ALDH1A1: variants seen among roughly 807,000 people sequenced by gnomAD.
The protein encoded by ALDH1A1 is aldehyde dehydrogenase 1A1.
A neutral mutation model predicts 62.1 loss-of-function variants in ALDH1A1; 19 were observed. The ratio of observed to expected loss-of-function variants is 0.31; its 90% CI spans 0.21 to 0.45. The LOEUF (loss-of-function observed/expected upper bound fraction) is 0.45. ALDH1A1 is among the 20% of genes least tolerant of loss of function. The pLI, the probability that ALDH1A1 is intolerant of heterozygous loss-of-function variation, is 1.00. For missense variants in ALDH1A1, 521 were observed against 607.1 expected, an observed-to-expected ratio of 0.86 and a Z score of 1.49; for synonymous variants, 231 against 215.9, an observed-to-expected ratio of 1.07 and a Z score of -0.61.
At position 72,908,571 on chromosome 9, in the gene ALDH1A1, GAAAGAAAGAAAGAAAGAAAGA is replaced by G. The variant is rs1442418254; in HGVS notation, c.1358+1010_1358+1030del. 3.0e-3 allele frequency among the ~76,000 whole-genome samples: 272 copies of G among 91,444 alleles called. 8 individuals are homozygous for G. The highest frequency in any genetic ancestry group is 0.021 in the Middle Eastern group (4 of 194). The allele number at this position is 91,444 out of a possible 152,430, so 60.0% of individuals were successfully genotyped here. ...AAGAAAGAAGAAAGAAAGAAAGAAA[GAAAGAAAGAAAGAAAGAAAGA>G]AAGAAAGAAAGAAAGAAAGAAAGAA... On this transcript the variant is annotated intron_variant, in intron 11 of 12. Coordinates refer to ENST00000297785, the MANE Select transcript of ALDH1A1 (RefSeq NM_000689.5).
intron 11 of ALDH1A1, among the ~76,000 whole-genome samples, chr9:72,906,512 TTAAA>T (rs1829880637): frequency 6.6e-6 from 1 of 152,194 alleles, no homozygotes; most frequent in African/African-American, 2.4e-5. Context: ...CATTAATTGG[TTAAA>T]TAAATTGCTT....
chr9:72,924,521 A>C (rs1420602534), intron 6 of ALDH1A1, among the ~76,000 whole-genome samples: 1 of 152,214 alleles, frequency 6.6e-6, no homozygotes, highest in Non-Finnish European at 1.5e-5. Flanking sequence ...GAAGGGATCT[A>C]ACATTTTTTA....
chr9:72,928,263 T>A (rs1830235894), intron 4 of ALDH1A1, among the ~76,000 whole-genome samples: 2 of 152,098 alleles, frequency 1.3e-5, no homozygotes, highest in Admixed American at 6.5e-5. Flanking sequence ...ATGTTTCACA[T>A]GAAATATCTT....
intron 12 of ALDH1A1, among the ~76,000 whole-genome samples, chr9:72,902,694 T>C (rs1379151957): frequency 1.3e-5 from 2 of 152,016 alleles, no homozygotes; most frequent in Non-Finnish European, 2.9e-5. Flanking sequence ...ATTTTTGTCA[T>C]ATTCAGGCTG....
At chr9:72,911,485 T>A (rs376728000) in intron 10 of ALDH1A1, among the ~76,000 whole-genome samples, 15 of 152,294 alleles carry the variant, frequency 9.8e-5, no homozygotes, top group African/African-American at 3.4e-4. Flanking sequence ...AAAGTTTGAA[T>A]CCTTTGACCA....
chr9:72,918,598 T>G, intron 8 of ALDH1A1, 122 bp downstream of exon 8: 1 of 651,460 alleles, frequency 1.5e-6, no homozygotes, highest in Non-Finnish European at 2.6e-6. Context: ...TACACTTTGA[T>G]GTTAGAAGCA....
At chr9:72,944,317 G>C (rs920127550) in intron 1 of ALDH1A1, among the ~76,000 whole-genome samples, 3 of 152,084 alleles carry the variant, frequency 2.0e-5, no homozygotes, top group Non-Finnish European at 4.4e-5. Flanking sequence ...TACAAATTAT[G>C]AATTATGCCA....
intron 11 of ALDH1A1, among the ~76,000 whole-genome samples, chr9:72,907,038 T>C (rs984775071): frequency 6.6e-6 from 1 of 152,254 alleles, no homozygotes; most frequent in South Asian, 2.1e-4. Flanking sequence ...CCAGATAAAT[T>C]GTATTATACT....
At chr9:72,931,183 A>G (rs1830277589) in intron 2 of ALDH1A1, among the ~76,000 whole-genome samples, 164 bp from the exon 3 acceptor site, 1 of 152,188 alleles carries the variant, frequency 6.6e-6, no homozygotes. Flanking sequence ...TGTATGTTGG[A>G]ATTACTCCTG....
chr9:72,937,725 C>T (rs1223505547), intron 2 of ALDH1A1, among the ~76,000 whole-genome samples: 1 of 152,036 alleles, frequency 6.6e-6, no homozygotes, highest in Admixed American at 6.5e-5. Flanking sequence ...AATGCGGTGG[C>T]CTGGGAAAGA....
At chr9:72,935,744 G>T (rs532673700) in intron 2 of ALDH1A1, among the ~76,000 whole-genome samples, 2 of 152,020 alleles carry the variant, frequency 1.3e-5, no homozygotes, top group South Asian at 2.1e-4. Flanking sequence ...TTATAATACC[G>T]TTGAAAGGCG....
chr9:72,911,975 G>A lies in ALDH1A1; in HGVS notation c.1183C>T (p.Arg395Cys), dbSNP rs762664992. 1.3e-5 allele frequency: 21 copies of A among 1,613,736 alleles called. No homozygotes were observed. The Admixed American group carries it at 1.8e-4, about 14-fold the overall frequency. The change falls in exon 10 of 13, where the codon CGC becomes TGC. Residue 395 changes from arginine to cysteine, a missense_variant. By Grantham distance (180) the Arg-to-Cys change is radical (BLOSUM62 -3). Transcript: ENST00000297785. ...CCATTTACCTCCTCTTTGGCAATGCGCATCTCATCTGTAACATTAGAGAAC... is the reference window on the plus strand; with the variant it reads ...CCATTTACCTCCTCTTTGGCAATGCACATCTCATCTGTAACATTAGAGAAC... ...TVFSNVTDEM[R>C]IAKEEIFGPV...
At chr9:72,913,845 C>T (rs8187969) in intron 9 of ALDH1A1, among the ~76,000 whole-genome samples, 5,452 of 152,218 alleles carry the variant, frequency 0.036, 316 homozygotes, top group African/African-American at 0.12. Context: ...TCCCCGGGCA[C>T]AGGAAAGATT....
At chr9:72,952,077 T>C (rs939623007) in intron 1 of ALDH1A1, among the ~76,000 whole-genome samples, 4 of 152,008 alleles carry the variant, frequency 2.6e-5, no homozygotes, top group African/African-American at 9.7e-5. Flanking sequence ...AATGGCTCTC[T>C]CTTGATTTGC....
intron 11 of ALDH1A1, among the ~76,000 whole-genome samples, chr9:72,908,400 A>T (rs1362717129): frequency 4.7e-4 from 58 of 123,766 alleles, no homozygotes; most frequent in African/African-American, 1.6e-3. Context: ...GCACCATTGC[A>T]CTCCAGCCTG....
rs1830188587 is a variant in ALDH1A1, at chr9:72,925,172, A to G, written c.633+312T>C. 2.6e-5 allele frequency among the ~76,000 whole-genome samples: 4 copies of G among 152,238 alleles called. No individual in the cohort carries two copies. The South Asian group carries it at 8.3e-4, about 32-fold the overall frequency. On this transcript the variant is annotated intron_variant, in intron 6 of 12. Transcript: ENST00000297785. ...GTACAAACCAACTTAATGTTTCAAC[A>G]TTTGAAAGAATGCTACATTAATTTC...
At chr9:72,950,857 C>A (rs552366904) in intron 1 of ALDH1A1, among the ~76,000 whole-genome samples, 2 of 28,274 alleles carry the variant, frequency 7.1e-5, no homozygotes, top group African/African-American at 1.7e-4. Context: ...AGTTAATAAC[C>A]ATCATTTTTT....
chr9:72,947,123 A>C (rs957816482), intron 1 of ALDH1A1, among the ~76,000 whole-genome samples: 13 of 151,990 alleles, frequency 8.6e-5, no homozygotes, highest in African/African-American at 3.1e-4. Flanking sequence ...GTGCCAGAAA[A>C]CAAAACAACT....
At chr9:72,942,082 G>A (rs1213618035) in intron 1 of ALDH1A1, among the ~76,000 whole-genome samples, 1 of 152,062 alleles carries the variant, frequency 6.6e-6, no homozygotes, top group Non-Finnish European at 1.5e-5. Flanking sequence ...TATCTTTTGG[G>A]AAAAAACACT....
Sources: allele counts gnomAD v4.1 joint callset (sites outside exome capture counted in the v4.1 genomes callset), GRCh38; gene constraint gnomAD v4.1.1; transcripts MANE v1.5; gene names NCBI Gene and HGNC (gene_info 2026-07-23, HGNC 2026-07-21).